TMTC1: variants seen among roughly 807,000 people sequenced by gnomAD.
TMTC1 encodes the protein protein O-mannosyl-transferase TMTC1.
Under a neutral mutation model 104.8 loss-of-function variants are expected in TMTC1, and 73 were observed. That is an observed-to-expected ratio of 0.70 (90% CI 0.58 to 0.85). The LOEUF is 0.85. Ranked by LOEUF, TMTC1 falls within the 40% of genes least tolerant of loss-of-function variation. The pLI, the probability that TMTC1 is intolerant of heterozygous loss-of-function variation, is 0.00. For synonymous variants in TMTC1, 434 were observed against 428.7 expected, an observed-to-expected ratio of 1.01 and a Z score of -0.15; for missense variants, 1,035 against 1,096.1, an observed-to-expected ratio of 0.94 and a Z score of 0.79.
intron 12 of TMTC1, chr12:29,519,237 G>C (rs926578727): frequency 2.7e-5 from 4 of 147,116 alleles, no homozygotes; most frequent in African/African-American, 1.1e-4. Context: ...GTTTTTGCAG[G>C]TATTTTTTTA....
At chr12:29,635,244 A>G (rs1002579790) in intron 5 of TMTC1, among the ~76,000 whole-genome samples, 4 of 151,580 alleles carry the variant, frequency 2.6e-5, no homozygotes, top group Non-Finnish European at 4.4e-5. Context: ...CGACATTGTC[A>G]CCTGAGAATG....
At chr12:29,613,410 G>C (rs904121788) in intron 6 of TMTC1, among the ~76,000 whole-genome samples, 7 of 152,174 alleles carry the variant, frequency 4.6e-5, no homozygotes, top group Middle Eastern at 3.2e-3. Flanking sequence ...AGGAGGGGGT[G>C]GAGAGAGACA....
chr12:29,602,583 G>A (rs541506225), intron 7 of TMTC1, among the ~76,000 whole-genome samples: 1 of 152,174 alleles, frequency 6.6e-6, no homozygotes. Flanking sequence ...GACTTCAGGG[G>A]CAGGCTGTGA....
At chr12:29,676,845 A>C (rs1193422570) in intron 5 of TMTC1, among the ~76,000 whole-genome samples, 2 of 152,226 alleles carry the variant, frequency 1.3e-5, no homozygotes, top group African/African-American at 2.4e-5. Flanking sequence ...AAGCCAGGCC[A>C]TATCAGTGTG....
At chr12:29,660,035 T>C in intron 5 of TMTC1, 1 of 1,381,864 alleles carries the variant, frequency 7.2e-7, no homozygotes, top group Non-Finnish European at 9.9e-7. Context: ...TCTCCACCCT[T>C]TTTGCAGGTG....
At chr12:29,637,078 AATGAGAAACACACACAC>A (rs1938591307) in intron 5 of TMTC1, among the ~76,000 whole-genome samples, 1 of 110,364 alleles carries the variant, frequency 9.1e-6, no homozygotes, top group Non-Finnish European at 1.9e-5. Context: ...AACGAAACAA[AATGAGAAACACACACAC>A]ACACACACAC....
intron 13 of TMTC1, among the ~76,000 whole-genome samples, chr12:29,518,202 A>T (rs1944045646): frequency 6.6e-6 from 1 of 152,170 alleles, no homozygotes; most frequent in Non-Finnish European, 1.5e-5. Flanking sequence ...TGGGGTTGCA[A>T]TCCATGGCTT....
At chr12:29,537,468 G>A (rs1259304054) in intron 10 of TMTC1, among the ~76,000 whole-genome samples, 2 of 152,010 alleles carry the variant, frequency 1.3e-5, no homozygotes, top group East Asian at 3.8e-4. Context: ...AACAGTCTTC[G>A]GAGTGCTCTT....
rs1199818514 is a variant in TMTC1 at position 29,501,171 on chromosome 12, C to G, written c.*5675G>C. ...TTTAATTCCTTGGGAGGAAGTTTCA[C>G]CTCATCTTTTTTCCCCAGTAAAGTA... On this transcript the variant is annotated 3_prime_UTR_variant, in exon 18 of 18. Coordinates refer to ENST00000539277, the MANE Select transcript of TMTC1 (RefSeq NM_001193451.2). 6.6e-6 allele frequency: 1 copy of G among 152,152 alleles called. No individual in the cohort carries two copies. The highest frequency in any genetic ancestry group is 1.5e-5 in the Non-Finnish European group (1 of 68,032). The allele number at this position is 152,152 out of a possible 1,614,324, so 9.4% of individuals were successfully genotyped here. A position where few individuals can be genotyped will look rare whatever the true frequency, so the allele number is the denominator to read the frequency against.
intron 5 of TMTC1, among the ~76,000 whole-genome samples, chr12:29,688,823 C>T (rs1174589003): frequency 6.6e-6 from 1 of 151,940 alleles, no homozygotes; most frequent in African/African-American, 2.4e-5. Context: ...CAACCCCCAA[C>T]CCCCTCCCCT....
intron 5 of TMTC1, among the ~76,000 whole-genome samples, chr12:29,710,723 ATAT>A (rs1208713534): frequency 2.2e-5 from 3 of 137,804 alleles, no homozygotes; most frequent in South Asian, 2.1e-4. Flanking sequence ...ATAATTTTAT[ATAT>A]TATTAAACGT....
intron 5 of TMTC1, among the ~76,000 whole-genome samples, chr12:29,725,011 G>GTTTTTTTTTTTTTTTTTTTTTTTT (rs879602127): frequency 4.3e-5 from 5 of 115,714 alleles, no homozygotes; most frequent in African/African-American, 9.3e-5. Flanking sequence ...TATCTGCCAA[G>GTTTTTTTTTTTTTTTTTTTTTTTT]TTCTTTTTTT....
intron 5 of TMTC1, among the ~76,000 whole-genome samples, chr12:29,677,563 T>C (rs181839198): frequency 9.5e-4 from 145 of 152,324 alleles, no homozygotes; most frequent in African/African-American, 3.2e-3. Context: ...CTGCAGTCAA[T>C]TGCCGTCCAA....
intron 3 of TMTC1, among the ~76,000 whole-genome samples, chr12:29,757,082 A>AT (rs1471121391): frequency 1.3e-5 from 2 of 152,250 alleles, no homozygotes; most frequent in African/African-American, 4.8e-5. Flanking sequence ...ATTTTGGCTT[A>AT]TATTTTCAGA....
intron 7 of TMTC1, among the ~76,000 whole-genome samples, chr12:29,600,561 C>G (rs1423832636): frequency 6.6e-6 from 1 of 152,208 alleles, no homozygotes; most frequent in Non-Finnish European, 1.5e-5. Context: ...ACAATAATGA[C>G]TGTGAAGAAA....
At chr12:29,517,331 G>T in intron 14 of TMTC1, 96 bp downstream of exon 14, 1 of 1,369,936 alleles carries the variant, frequency 7.3e-7, no homozygotes, top group Non-Finnish European at 1.0e-6. Flanking sequence ...ATATATTACG[G>T]CATTCCAGCT....
chr12:29,765,502 A>C (rs1271439908), intron 2 of TMTC1, among the ~76,000 whole-genome samples: 2 of 152,132 alleles, frequency 1.3e-5, no homozygotes, highest in Non-Finnish European at 2.9e-5. Context: ...TATTGTATTT[A>C]TCATCCTTCT....
At chr12:29,656,206 C>T (rs893177314) in intron 5 of TMTC1, among the ~76,000 whole-genome samples, 3 of 151,798 alleles carry the variant, frequency 2.0e-5, no homozygotes, top group Non-Finnish European at 2.9e-5. Flanking sequence ...GAACTTTACT[C>T]GGGAAAGGAA....
At chr12:29,509,319 A>C (rs1426604727) in intron 17 of TMTC1, among the ~76,000 whole-genome samples, 2 of 152,240 alleles carry the variant, frequency 1.3e-5, no homozygotes. Context: ...AAACTTCATA[A>C]GAAGCGTTAC....
Sources: allele counts gnomAD v4.1 joint callset (sites outside exome capture counted in the v4.1 genomes callset), GRCh38; gene constraint gnomAD v4.1.1; transcripts MANE v1.5; gene names NCBI Gene and HGNC (gene_info 2026-07-23, HGNC 2026-07-21).